The following SPMIP7 variants were observed in gnomAD, a reference collection of about 807,000 sequenced individuals.
SPMIP7 encodes protein SPMIP7.
At chr7:50,153,072 C>T in the SPMIP7 span, among the ~76,000 whole-genome samples, 2 of 152,166 alleles carry the variant, frequency 1.3e-5, no homozygotes, top group African/African-American at 4.8e-5. Context: ...AAGGTCCCAG[C>T]TTTTAGGAGC....
At chr7:50,111,731 T>A in the SPMIP7 span, among the ~76,000 whole-genome samples, 1 of 152,196 alleles carries the variant, frequency 6.6e-6, no homozygotes, top group Non-Finnish European at 1.5e-5. Context: ...TACTATCTAC[T>A]TAAATAATTT....
the SPMIP7 span, among the ~76,000 whole-genome samples, chr7:50,134,699 G>A: frequency 6.6e-6 from 1 of 152,140 alleles, no homozygotes; most frequent in Non-Finnish European, 1.5e-5. Context: ...ATCTGATGTT[G>A]TCACTTATTA....
At chr7:50,116,523 G>C in the SPMIP7 span, among the ~76,000 whole-genome samples, 27 of 152,190 alleles carry the variant, frequency 1.8e-4, no homozygotes, top group Non-Finnish European at 2.9e-4. Flanking sequence ...ATTCACTGTT[G>C]AGTAATAAAT....
At chr7:50,125,197 T>TATATATACAC in the SPMIP7 span, among the ~76,000 whole-genome samples, 1 of 59,410 alleles carries the variant, frequency 1.7e-5, no homozygotes, top group African/African-American at 5.8e-5. Flanking sequence ...TATATACACA[T>TATATATACAC]ATATATACAC....
chr7:50,117,165 A>G, the SPMIP7 span: 1 of 440,092 alleles, frequency 2.3e-6, no homozygotes, highest in Non-Finnish European at 4.5e-6. Flanking sequence ...GCCTTACAAC[A>G]GCCTTCAGTT....
At chr7:50,157,018 T>TCCTG in the SPMIP7 span, among the ~76,000 whole-genome samples, 1 of 152,158 alleles carries the variant, frequency 6.6e-6, no homozygotes, top group Admixed American at 6.5e-5. Flanking sequence ...AGTGACATGC[T>TCCTG]CCTGCCTGCC....
At chr7:50,151,553 C>T in the SPMIP7 span, 1 of 1,544,418 alleles carries the variant, frequency 6.5e-7, no homozygotes, top group South Asian at 1.2e-5. Context: ...TTCAGAACTG[C>T]ACCGGTAAGT....
At chr7:50,096,351 G>A in the SPMIP7 span, 1 of 1,551,970 alleles carries the variant, frequency 6.4e-7, no homozygotes, top group Non-Finnish European at 8.7e-7. Context: ...CCACCATATG[G>A]GCCACATTAT....
chr7:50,156,943 T>C, the SPMIP7 span, among the ~76,000 whole-genome samples: 1 of 152,170 alleles, frequency 6.6e-6, no homozygotes, highest in African/African-American at 2.4e-5. Flanking sequence ...CTGCCTTCAC[T>C]TCCTTCCTGC....
the SPMIP7 span, among the ~76,000 whole-genome samples, chr7:50,155,640 C>A: frequency 6.6e-6 from 1 of 152,102 alleles, no homozygotes; most frequent in Non-Finnish European, 1.5e-5. Flanking sequence ...TGTGATAAAA[C>A]GTTCCTATTA....
At chr7:50,151,341 A>T in the SPMIP7 span, 1 of 893,352 alleles carries the variant, frequency 1.1e-6, no homozygotes, top group Non-Finnish European at 1.7e-6. Flanking sequence ...AAAAAATTAG[A>T]CTGCATATTT....
chr7:50,151,935 C>T, the SPMIP7 span, among the ~76,000 whole-genome samples: 1 of 152,214 alleles, frequency 6.6e-6, no homozygotes, highest in Non-Finnish European at 1.5e-5. Context: ...CATCAGAAGA[C>T]ACATGGAACA....
At chr7:50,153,437 A>G in the SPMIP7 span, among the ~76,000 whole-genome samples, 5 of 152,242 alleles carry the variant, frequency 3.3e-5, no homozygotes, top group Non-Finnish European at 7.3e-5. Context: ...ATGATCTTTT[A>G]CTAAGTCAAT....
chr7:50,096,108 C>T, the SPMIP7 span: 1 of 1,513,452 alleles, frequency 6.6e-7, no homozygotes, highest in South Asian at 1.3e-5. Context: ...ATTCAGGACA[C>T]ACCTGGAAAG....
chr7:50,109,416 A>G, the SPMIP7 span, among the ~76,000 whole-genome samples: 5 of 152,002 alleles, frequency 3.3e-5, no homozygotes, highest in African/African-American at 1.2e-4. Context: ...TTGCTCTGTC[A>G]CCCCAGCGGA....
At chr7:50,100,676 G>A in the SPMIP7 span, among the ~76,000 whole-genome samples, 1 of 152,052 alleles carries the variant, frequency 6.6e-6, no homozygotes, top group African/African-American at 2.4e-5. Flanking sequence ...GCCAGGCGTG[G>A]TGGTGAGCAC....
the SPMIP7 span, among the ~76,000 whole-genome samples, chr7:50,157,122 G>A: frequency 4.6e-5 from 7 of 152,204 alleles, no homozygotes; most frequent in South Asian, 4.1e-4. Context: ...CTCTGTAATC[G>A]AGAAAACTGC....
At chr7:50,157,288 G>C in the SPMIP7 span, among the ~76,000 whole-genome samples, 1 of 152,196 alleles carries the variant, frequency 6.6e-6, no homozygotes, top group African/African-American at 2.4e-5. Flanking sequence ...CTGAGAGGAA[G>C]GGACAGTTCA....
chr7:50,120,925 T>A, the SPMIP7 span, among the ~76,000 whole-genome samples: 1 of 152,296 alleles, frequency 6.6e-6, no homozygotes, highest in South Asian at 2.1e-4. Flanking sequence ...AATTTTGAAT[T>A]GTTTGTTCTG....
Sources: allele counts gnomAD v4.1 joint callset (sites outside exome capture counted in the v4.1 genomes callset), GRCh38; gene constraint gnomAD v4.1.1; transcripts MANE v1.5; gene names NCBI Gene and HGNC (gene_info 2026-07-23, HGNC 2026-07-21).